The following GALNT14 variants were observed in gnomAD, a reference collection of about 807,000 sequenced individuals.
GALNT14 encodes the protein polypeptide N-acetylgalactosaminyltransferase 14, also known as UDP-GalNAc:polypeptide N-acetylgalactosaminyltransferase 14.
In GALNT14, 60 loss-of-function variants were observed where a neutral mutation model predicts 77.5. That is an observed-to-expected ratio of 0.77 (90% CI 0.63 to 0.96). The LOEUF (loss-of-function observed/expected upper bound fraction) is 0.96. GALNT14 is among the 40% of genes least tolerant of loss of function. The pLI, the probability that GALNT14 is intolerant of heterozygous loss-of-function variation, is 0.00. For missense variants in GALNT14, 710 were observed against 731.0 expected (o/e 0.97, Z 0.33); for synonymous variants, 280 against 281.7 (o/e 0.99, Z 0.06).
chr2:31,040,881 A>G (rs1396207670), intron 1 of GALNT14, among the ~76,000 whole-genome samples: 1 of 152,232 alleles, frequency 6.6e-6, no homozygotes, highest in African/African-American at 2.4e-5. Context: ...TAAATAAATG[A>G]ATGAAAGAAT....
intron 1 of GALNT14, among the ~76,000 whole-genome samples, chr2:31,094,645 T>C (rs1676915839): frequency 1.3e-5 from 2 of 152,246 alleles, no homozygotes; most frequent in South Asian, 4.1e-4. Flanking sequence ...GCTCAGCTTC[T>C]TCTCTCCTCT....
At chr2:31,063,035 T>G (rs1291390923) in intron 1 of GALNT14, among the ~76,000 whole-genome samples, 1 of 152,210 alleles carries the variant, frequency 6.6e-6, no homozygotes, top group African/African-American at 2.4e-5. Context: ...CTGATGATAG[T>G]TTCTTTTGCT....
At chr2:31,070,485 A>C (rs1162461966) in intron 1 of GALNT14, among the ~76,000 whole-genome samples, 2 of 152,154 alleles carry the variant, frequency 1.3e-5, no homozygotes, top group Non-Finnish European at 2.9e-5. Context: ...CACTGAACTC[A>C]AACAAGCTTG....
intron 1 of GALNT14, among the ~76,000 whole-genome samples, chr2:31,083,256 T>A (rs976713532): frequency 6.6e-6 from 1 of 152,138 alleles, no homozygotes; most frequent in Admixed American, 6.5e-5. Context: ...GCAGATGGCC[T>A]TAAGTGCCTT....
At position 31,013,903 on chromosome 2, in the gene GALNT14, T is replaced by C. The variant is rs548298903; in HGVS notation, c.130-20896A>G. Among the ~76,000 whole-genome samples, 6 of 152,360 alleles carry C rather than the reference T, an allele frequency of 3.9e-5. No homozygotes were observed. In the East Asian group the frequency reaches 7.7e-4, roughly 20 times the overall value. The stretch of plus-strand genomic sequence containing the variant: ...GTCATGAAACACTACAAAAGTGTTA[T>C]AGACTCTGACAATCTAAAAATAACG... On this transcript the variant is annotated intron_variant, in intron 1 of 14. Transcript: ENST00000349752.
At position 30,924,773 on chromosome 2, in the gene GALNT14, T is replaced by C. The variant is rs756391781; in HGVS notation, c.1202A>G (p.Lys401Arg). 8 of 1,614,028 alleles carry C rather than the reference T, an allele frequency of 5.0e-6. No individual in the cohort carries two copies. The highest frequency in any genetic ancestry group is 2.2e-5 in the South Asian group (2 of 91,078). Reference protein sequence around the residue: ...LRKNLRCQSFKWYLENIYPEL... With the variant: ...LRKNLRCQSFRWYLENIYPEL... ...AGGGTAGATATTCTCCAGGTACCAC[T>C]TGAAGCTCTGGCAGCGCAGATTCTT... Residue 401 changes from lysine to arginine, a missense_variant, in exon 12 of 15, where the codon AAG becomes AGG. Coordinates refer to ENST00000349752, the MANE Select transcript of GALNT14 (RefSeq NM_024572.4).
intron 1 of GALNT14, among the ~76,000 whole-genome samples, chr2:31,122,963 C>T (rs1043347609): frequency 6.6e-6 from 1 of 151,998 alleles, no homozygotes; most frequent in Non-Finnish European, 1.5e-5. Context: ...GGGCGGATCA[C>T]GAGGTCAGGA....
At chr2:31,015,578 G>A (rs1671302075) in intron 1 of GALNT14, among the ~76,000 whole-genome samples, 1 of 152,152 alleles carries the variant, frequency 6.6e-6, no homozygotes, top group African/African-American at 2.4e-5. Flanking sequence ...TTTTATGATG[G>A]AGACTGCTGG....
At chr2:31,049,341 G>A (rs912902899) in intron 1 of GALNT14, among the ~76,000 whole-genome samples, 4 of 152,288 alleles carry the variant, frequency 2.6e-5, no homozygotes, top group South Asian at 2.1e-4. Flanking sequence ...AAGAAGACCC[G>A]AGGCTCCTCA....
At chr2:30,989,633 AAT>A (rs1255864479) in intron 2 of GALNT14, among the ~76,000 whole-genome samples, 3,571 of 122,696 alleles carry the variant, frequency 0.029, 105 homozygotes, top group African/African-American at 0.037. Context: ...TATATATAAA[AAT>A]ATATATATTA....
chr2:31,085,694 C>T (rs912909695), intron 1 of GALNT14, among the ~76,000 whole-genome samples: 2 of 152,238 alleles, frequency 1.3e-5, no homozygotes, highest in Non-Finnish European at 2.9e-5. Flanking sequence ...ACTGCGGGGA[C>T]CCCTCAGCTC....
rs1039199493 is a variant in GALNT14 at position 30,910,876 on chromosome 2, C to G, written c.*25G>C. The G allele has an allele frequency of 4.3e-6, 7 of 1,611,226 alleles. No homozygotes were observed. The African/African-American group carries it at 9.3e-5, about 21-fold the overall frequency. The stretch of plus-strand genomic sequence containing the variant: ...GGTCCAGGGAAGCACCACCCCATGG[C>G]CCTTGCTGCTTCTGGCAGGGGTCCT... On this transcript the variant is annotated 3_prime_UTR_variant, in exon 15 of 15. Transcript: ENST00000349752.
At chr2:31,057,221 A>T (rs1400579096) in intron 1 of GALNT14, among the ~76,000 whole-genome samples, 3 of 150,724 alleles carry the variant, frequency 2.0e-5, no homozygotes, top group Admixed American at 6.6e-5. Flanking sequence ...TTGTATCCCA[A>T]ACCTCACCAT....
In GALNT14 at chr2:30,992,872, T is replaced by C. The variant is rs754579260; in HGVS notation, c.265A>G (p.Ser89Gly). 6.2e-7 allele frequency: 1 copy of C among 1,614,048 alleles called. No homozygotes were observed. Among genetic ancestry groups the C allele is most frequent in the South Asian group, 1.1e-5 (1 of 91,090 alleles). Residue 89 changes from serine to glycine, a missense_variant, in exon 2 of 15, where the codon AGC becomes GGC. Physicochemically the swap from Ser to Gly is moderately conservative, Grantham distance 56. Coordinates refer to ENST00000349752, the MANE Select transcript of GALNT14 (RefSeq NM_024572.4). ...FNQRESERIS[S>G]NRAIPDTRHL... ...CGAGTGTCCGGGATGGCCCGATTGC[T>C]GGAGATCCGCTCACTCTCCCGCTGG...
At chr2:31,094,352 G>A (rs1471378310) in intron 1 of GALNT14, among the ~76,000 whole-genome samples, 1 of 152,192 alleles carries the variant, frequency 6.6e-6, no homozygotes, top group Non-Finnish European at 1.5e-5. Flanking sequence ...ACCCTTTGCT[G>A]ACTCTCTTTT....
intron 1 of GALNT14, among the ~76,000 whole-genome samples, chr2:31,123,487 T>C (rs73921488): frequency 0.011 from 1,652 of 152,232 alleles, 29 homozygotes; most frequent in African/African-American, 0.038. Flanking sequence ...GGCTTTCCCT[T>C]CCTGTTATGC....
At position 31,087,503 on chromosome 2, in the gene GALNT14, A is replaced by T. The variant is rs142332432; in HGVS notation, c.129+50455T>A. On this transcript the variant is annotated intron_variant, in intron 1 of 14. Transcript: ENST00000349752. ...AGGAGAGGAGAAGAGAGGAGAGGAGAGGAGAAGAGAGGAGAGGAGAGGCGA... is the reference window on the plus strand; with the variant it reads ...AGGAGAGGAGAAGAGAGGAGAGGAGTGGAGAAGAGAGGAGAGGAGAGGCGA... Among the ~76,000 whole-genome samples, 947 of 152,024 alleles carry T rather than the reference A, an allele frequency of 6.2e-3. 8 individuals carry two copies. Among genetic ancestry groups the T allele is most frequent in the African/African-American group, 0.017 (708 of 41,454 alleles).
chr2:31,020,847 T>C (rs1034255614), intron 1 of GALNT14, among the ~76,000 whole-genome samples: 3 of 152,234 alleles, frequency 2.0e-5, no homozygotes, highest in Non-Finnish European at 2.9e-5. Context: ...GAAGGGAGTA[T>C]GGTGTGTGGG....
At chr2:30,971,567 T>C (rs747268659) in intron 2 of GALNT14, among the ~76,000 whole-genome samples, 5 of 152,158 alleles carry the variant, frequency 3.3e-5, no homozygotes, top group East Asian at 1.9e-4. Context: ...GTGAAGACTC[T>C]CAATTTTCCC....
Sources: allele counts gnomAD v4.1 joint callset (sites outside exome capture counted in the v4.1 genomes callset), GRCh38; gene constraint gnomAD v4.1.1; transcripts MANE v1.5; gene names NCBI Gene and HGNC (gene_info 2026-07-23, HGNC 2026-07-21).